The following RNGTT variants were observed in gnomAD, a reference collection of about 807,000 sequenced individuals.
The protein encoded by RNGTT is RNA guanylyltransferase and 5'-phosphatase.
RNGTT carries 33 observed loss-of-function variants against 79.3 expected under a neutral mutation model. The observed-to-expected ratio is 0.42, with a 90% CI of 0.32 to 0.56. The LOEUF is 0.56. Ranked by LOEUF, RNGTT falls within the 20% of genes least tolerant of loss-of-function variation. The pLI is 0.17. For synonymous variants in RNGTT, 222 were observed against 235.9 expected (o/e 0.94, Z 0.54); for missense variants, 497 against 739.1 (o/e 0.67, Z 3.80).
chr6:88,643,011 T>C (rs764094511), intron 14 of RNGTT, among the ~76,000 whole-genome samples: 2 of 152,166 alleles, frequency 1.3e-5, no homozygotes, highest in Non-Finnish European at 2.9e-5. Flanking sequence ...TGACTTACAA[T>C]ACAGTTACAT....
intron 14 of RNGTT, among the ~76,000 whole-genome samples, chr6:88,670,917 C>T (rs977411747): frequency 1.3e-5 from 2 of 152,132 alleles, no homozygotes; most frequent in Non-Finnish European, 2.9e-5. Flanking sequence ...GAACCGGTGT[C>T]TAAGAGGTTT....
intron 1 of RNGTT, among the ~76,000 whole-genome samples, chr6:88,952,575 A>T (rs1785286575): frequency 1.3e-5 from 2 of 152,244 alleles, no homozygotes; most frequent in South Asian, 4.1e-4. Flanking sequence ...AACAGCTAAT[A>T]TACCACTGCC....
intron 13 of RNGTT, among the ~76,000 whole-genome samples, chr6:88,760,873 A>AT (rs34821654): frequency 0.043 from 6,157 of 143,154 alleles, 139 homozygotes; most frequent in Non-Finnish European, 0.055. Context: ...TGAGAAAACG[A>AT]TTTTTTTTTT....
At chr6:88,832,934 G>A (rs1007039540) in intron 11 of RNGTT, among the ~76,000 whole-genome samples, 13 of 152,138 alleles carry the variant, frequency 8.5e-5, no homozygotes, top group Non-Finnish European at 1.3e-4. Context: ...AACAGATGCT[G>A]GAGAGGATAT....
chr6:88,678,509 T>G (rs931584822), intron 13 of RNGTT, 90 bp from the exon 14 acceptor site: 183 of 691,332 alleles, frequency 2.6e-4, no homozygotes, highest in Non-Finnish European at 3.4e-4. Flanking sequence ...AGATATAATA[T>G]AGATATACTA....
At position 88,835,526 on chromosome 6, in the gene RNGTT, T is replaced by C. The variant is rs1049966792; in HGVS notation, c.1269+8831A>G. 1.3e-4 allele frequency among the ~76,000 whole-genome samples: 20 copies of C among 152,182 alleles called. 1 individual carries two copies. The highest frequency in any genetic ancestry group is 2.2e-4 in the Non-Finnish European group (15 of 68,020). ...AATTAGACAAGAATATATCAGGAAA[T>C]GTTATCACTCCACAAATGAGCAATT... is the stretch of plus-strand genomic sequence containing the variant. On this transcript the variant is annotated intron_variant, in intron 11 of 15. Transcript: ENST00000369485.
intron 8 of RNGTT, among the ~76,000 whole-genome samples, chr6:88,889,079 A>G (rs1782961178): frequency 6.6e-6 from 1 of 152,190 alleles, no homozygotes; most frequent in Non-Finnish European, 1.5e-5. Flanking sequence ...ACCCAGAGAA[A>G]AAGGTCAATA....
intron 4 of RNGTT, among the ~76,000 whole-genome samples, chr6:88,924,782 G>C (rs1260023865): frequency 6.8e-6 from 1 of 148,042 alleles, no homozygotes; most frequent in East Asian, 2.0e-4. Context: ...CTGGAGTGCA[G>C]GTGTGATCAT....
intron 12 of RNGTT, among the ~76,000 whole-genome samples, chr6:88,791,941 A>G (rs1318995105): frequency 2.0e-5 from 3 of 152,248 alleles, no homozygotes; most frequent in Non-Finnish European, 2.9e-5. Context: ...TGGAAACTTT[A>G]TAACAAATGG....
intron 14 of RNGTT, among the ~76,000 whole-genome samples, chr6:88,671,904 G>A (rs2127786883): frequency 6.6e-6 from 1 of 152,202 alleles, no homozygotes; most frequent in East Asian, 1.9e-4. Context: ...TAATTGGCAA[G>A]CCACAGGTAG....
intron 13 of RNGTT, among the ~76,000 whole-genome samples, chr6:88,719,444 G>C (rs1279679861): frequency 2.6e-5 from 4 of 152,294 alleles, no homozygotes; most frequent in East Asian, 3.9e-4. Context: ...ACTGGTTACT[G>C]AGAAAATTTC....
intron 9 of RNGTT, 106 bp from the exon 10 acceptor site, chr6:88,849,932 C>A: frequency 1.9e-6 from 2 of 1,080,424 alleles, no homozygotes; most frequent in Non-Finnish European, 1.2e-6. Context: ...CATAAATATA[C>A]AACTTGATGA....
intron 13 of RNGTT, among the ~76,000 whole-genome samples, chr6:88,713,185 G>A (rs1226613006): frequency 6.6e-6 from 1 of 152,082 alleles, no homozygotes; most frequent in Non-Finnish European, 1.5e-5. Flanking sequence ...CTCATGATGG[G>A]ATTAATGCCT....
At chr6:88,638,568 T>C (rs1773187532) in intron 14 of RNGTT, among the ~76,000 whole-genome samples, 1 of 152,176 alleles carries the variant, frequency 6.6e-6, no homozygotes, top group Admixed American at 6.5e-5. Context: ...AAAGAAAATT[T>C]AGAAAGAACA....
chr6:88,687,049 T>C (rs889707091), intron 13 of RNGTT, among the ~76,000 whole-genome samples: 1 of 152,008 alleles, frequency 6.6e-6, no homozygotes, highest in African/African-American at 2.4e-5. Context: ...GGAGAAAATA[T>C]TTGTAACATA....
intron 4 of RNGTT, among the ~76,000 whole-genome samples, chr6:88,923,878 C>A (rs1419199112): frequency 2.0e-5 from 3 of 152,204 alleles, no homozygotes; most frequent in African/African-American, 7.2e-5. Context: ...TTCCAAGATT[C>A]CTTTCTCTGG....
intron 14 of RNGTT, among the ~76,000 whole-genome samples, chr6:88,626,811 A>T (rs1018019633): frequency 3.9e-5 from 6 of 152,088 alleles, no homozygotes; most frequent in Non-Finnish European, 7.4e-5. Context: ...TATAGGCATA[A>T]CTAGCAAAAA....
chr6:88,795,648 T>A (rs62431777), intron 12 of RNGTT, among the ~76,000 whole-genome samples: 1 of 152,028 alleles, frequency 6.6e-6, no homozygotes, highest in Non-Finnish European at 1.5e-5. Flanking sequence ...CAAACCTGCA[T>A]GTTCCGCACA....
intron 14 of RNGTT, among the ~76,000 whole-genome samples, chr6:88,640,221 C>A (rs1773255512): frequency 6.6e-6 from 1 of 151,926 alleles, no homozygotes; most frequent in Middle Eastern, 3.2e-3. Context: ...GTGAATGATG[C>A]ATAACATGTG....
Sources: gnomAD v4.1 joint callset for allele counts (sites outside exome capture counted in the v4.1 genomes callset) on GRCh38, gnomAD v4.1.1 for gene constraint, MANE v1.5 for transcripts, NCBI Gene and HGNC (gene_info 2026-07-23, HGNC 2026-07-21) for gene names.